TMEM238: variants seen among roughly 807,000 people sequenced by gnomAD.
The protein encoded by TMEM238 is transmembrane protein 238.
For synonymous variants in TMEM238, 103 were observed against 111.5 expected, an observed-to-expected ratio of 0.92 and a Z score of 0.48; for missense variants, 169 against 206.8, an observed-to-expected ratio of 0.82 and a Z score of 1.12.
chr19:55,379,845 C>T (rs962371313), intron 1 of TMEM238, among the ~76,000 whole-genome samples: 8 of 151,946 alleles, frequency 5.3e-5, no homozygotes, highest in African/African-American at 1.7e-4. Flanking sequence ...GCCTGGGTAA[C>T]ATAGGAAGAC....
chr19:55,380,890 A>G (rs1198116153), intron 1 of TMEM238, among the ~76,000 whole-genome samples: 1 of 151,982 alleles, frequency 6.6e-6, no homozygotes, highest in Non-Finnish European at 1.5e-5. Flanking sequence ...TACAGGCATG[A>G]GCCACTGTGC....
intron 1 of TMEM238, among the ~76,000 whole-genome samples, chr19:55,382,136 C>T (rs2089889199): frequency 6.6e-6 from 1 of 151,756 alleles, no homozygotes; most frequent in African/African-American, 2.4e-5. Flanking sequence ...ACAACTCATC[C>T]ATCCACGCAC....
At chr19:55,381,236 T>C (rs2089885496) in intron 1 of TMEM238, among the ~76,000 whole-genome samples, 1 of 151,528 alleles carries the variant, frequency 6.6e-6, no homozygotes, top group Admixed American at 6.6e-5. Context: ...CTGACCAACA[T>C]GGAGAAACCC....
In TMEM238 at chr19:55,379,594, C is replaced by T. The variant is rs147122205; in HGVS notation, c.*8-227G>A. ...ATCCAAGGGTAGAGGCCAGGGAATG[C>T]GAGCCAGGGAGAGGCAGAAAGGGGG... On this transcript the variant is annotated intron_variant, in intron 1 of 1. Transcript: ENST00000444469. Among the ~76,000 whole-genome samples the T allele has an allele frequency of 2.2e-3, 331 of 152,068 alleles. 1 individual carries two copies. The highest frequency in any genetic ancestry group is 7.3e-3 in the African/African-American group (302 of 41,428).
In TMEM238 at chr19:55,383,898, C is replaced by T. The variant is rs773668180; in HGVS notation, c.362G>A (p.Arg121His). The T allele has an allele frequency of 1.9e-5, 22 of 1,138,914 alleles. No homozygotes were observed. In the South Asian group the frequency reaches 6.7e-4, roughly 34 times the overall value. 70.6% of individuals were successfully genotyped at this position (1,138,914 alleles called of 1,614,324 possible). Reference protein sequence around the residue: ...ALARLARKLSRRWSAPAAAGQ... With the variant: ...ALARLARKLSHRWSAPAAAGQ... ...CGCGGCGGCGGGCGCCGACCAGCGG[C>T]GGGAGAGCTTGCGCGCCAGGCGGGC... The change falls in exon 1 of 2, where the codon CGC (arginine) becomes CAC (histidine). Residue 121 changes from arginine (R) to histidine (H), a missense_variant. By Grantham distance (29) the Arg-to-His change is conservative. Transcript: ENST00000444469. This position sits in a 1 kb window ranked among gnomAD's most constrained non-coding sequence, Gnocchi z 4.9.
chr19:55,381,042 C>T (rs1265835432), intron 1 of TMEM238, among the ~76,000 whole-genome samples: 3 of 152,168 alleles, frequency 2.0e-5, no homozygotes, highest in East Asian at 3.8e-4. Context: ...AATCACGGCA[C>T]GTAGCATATG....
intron 1 of TMEM238, among the ~76,000 whole-genome samples, chr19:55,381,761 C>T (rs539122844): frequency 1.3e-5 from 2 of 152,306 alleles, no homozygotes; most frequent in Non-Finnish European, 2.9e-5. Flanking sequence ...GGGGAGGTGA[C>T]ACAGGCACCC....
At position 55,384,286 on chromosome 19, in the gene TMEM238, CAG is replaced by C. The variant is rs2089900556; in HGVS notation, c.-29_-28del. ...GCCCTGCACCGCCGCCGCTGGCGCC[CAG>C]AGAGAGCGTTCCGGGGTGCGGCCCG... On this transcript the variant is annotated 5_prime_UTR_variant, in exon 1 of 2. Transcript: ENST00000444469. The surrounding 1 kb of genome is among the most constrained non-coding windows in gnomAD (Gnocchi z 5.6). 1 of 1,077,008 alleles carries C rather than the reference CAG, an allele frequency of 9.3e-7. No individual in the cohort carries two copies. The highest frequency in any genetic ancestry group is 1.1e-6 in the Non-Finnish European group (1 of 890,250). The allele number at this position is 1,077,008 out of a possible 1,614,324, so 66.7% of individuals were successfully genotyped here. A position where few individuals can be genotyped will look rare whatever the true frequency, so the allele number is the denominator to read the frequency against.
chr19:55,384,157 G>C lies in TMEM238; in HGVS notation c.103C>G (p.Arg35Gly). 1.5e-6 allele frequency: 2 copies of C among 1,370,184 alleles called. No homozygotes were observed. The highest frequency in any genetic ancestry group is 1.9e-6 in the Non-Finnish European group (2 of 1,049,656). The allele number at this position is 1,370,184 out of a possible 1,614,324, so 84.9% of individuals were successfully genotyped here. Reference sequence around the variant, plus strand: ...GCCACGGCCAGCAGCAGCGCCATCCGGCAGCGGCCCAGGCCGGCCGCGGGT... The same window carrying C: ...GCCACGGCCAGCAGCAGCGCCATCCCGCAGCGGCCCAGGCCGGCCGCGGGT... ...PAPAAGLGRC[R>G]MALLLAVALD... The change falls in exon 1 of 2, where the codon CGG becomes GGG. Residue 35 changes from arginine (R) to glycine (G), a missense_variant. Transcript: ENST00000444469. This position sits in a 1 kb window ranked among gnomAD's most constrained non-coding sequence, Gnocchi z 5.6.
In TMEM238 at chr19:55,383,855, G is replaced by A; in HGVS notation, c.405C>T (p.Pro135=). 1.1e-6 allele frequency: 1 copy of A among 884,376 alleles called. No homozygotes were observed. The highest frequency in any genetic ancestry group is 1.4e-6 in the Non-Finnish European group (1 of 734,232). The allele number at this position is 884,376 out of a possible 1,614,324, so 54.8% of individuals were successfully genotyped here. Residue 135 remains proline, a synonymous_variant, in exon 1 of 2, where the codon CCC becomes CCT. Transcript: ENST00000444469. The surrounding 1 kb of genome is among the most constrained non-coding windows in gnomAD (Gnocchi z 4.9). The part of the protein sequence containing the change: ...APAAAGQRPA[P]GSRRARRAAR... ...CGGCTCGGCGCGCTCTCCGGGAGCC[G>A]GGCGCGGGGCGCTGGCCCGCGGCGG...
chr19:55,381,273 C>G (rs1041122760), intron 1 of TMEM238, among the ~76,000 whole-genome samples: 9 of 151,666 alleles, frequency 5.9e-5, no homozygotes, highest in Non-Finnish European at 5.9e-5. Flanking sequence ...ACAAAATTAG[C>G]CAGGTGTGGG....
At chr19:55,381,645 G>A (rs549230612) in intron 1 of TMEM238, among the ~76,000 whole-genome samples, 141 of 151,894 alleles carry the variant, frequency 9.3e-4, no homozygotes, top group South Asian at 2.3e-3. Context: ...TCCAGAGAGC[G>A]CACAGAGGCT....
rs376950426 is a variant in TMEM238, at chr19:55,379,980, G to GTGA, written c.*8-616_*8-614dup. Among the ~76,000 whole-genome samples, 490 of 151,940 alleles carry GTGA rather than the reference G, an allele frequency of 3.2e-3. 3 individuals are homozygous for GTGA. The highest frequency in any genetic ancestry group is 0.015 in the South Asian group (71 of 4,798). On this transcript the variant is annotated intron_variant, in intron 1 of 1. Coordinates refer to ENST00000444469, the MANE Select transcript of TMEM238 (RefSeq NM_001190764.2). ...ACTGCTCTCCAGCCTGAACAACAGAGTGATGGGGGTGGCTCTGCCCGGCTA... is the reference window on the plus strand; with the variant it reads ...ACTGCTCTCCAGCCTGAACAACAGAGTGATGATGGGGGTGGCTCTGCCCGGCTA...
Position 55,383,713 on chromosome 19 carries a change from G to T in TMEM238, c.*7+9C>A. 4.2e-6 allele frequency: 1 copy of T among 237,564 alleles called. No homozygotes were observed. The highest frequency in any genetic ancestry group is 2.0e-4 in the South Asian group (1 of 5,116). The allele number at this position is 237,564 out of a possible 1,614,324, so 14.7% of individuals were successfully genotyped here. A position where few individuals can be genotyped will look rare whatever the true frequency, so the allele number is the denominator to read the frequency against. ...TCCGTCTCCCCGCCCTGCCCCGCCC[G>T]CCCCTCACCTGGGCCTCACTCGCTG... On this transcript the variant is annotated intron_variant, in intron 1 of 1. Coordinates refer to ENST00000444469, the MANE Select transcript of TMEM238 (RefSeq NM_001190764.2). This position sits in a 1 kb window ranked among gnomAD's most constrained non-coding sequence, Gnocchi z 4.9.
intron 1 of TMEM238, among the ~76,000 whole-genome samples, chr19:55,382,771 A>T (rs1054627100): frequency 2.0e-5 from 3 of 152,164 alleles, no homozygotes; most frequent in Admixed American, 1.3e-4. Context: ...TAGGAAAGAG[A>T]TAGAAGGTAG....
In TMEM238 at chr19:55,383,344, C is replaced by G. The variant is rs923390332; in HGVS notation, c.*7+378G>C. On this transcript the variant is annotated intron_variant, in intron 1 of 1. Coordinates refer to ENST00000444469, the MANE Select transcript of TMEM238 (RefSeq NM_001190764.2). This position sits in a 1 kb window ranked among gnomAD's most constrained non-coding sequence, Gnocchi z 4.9. ...TGAGCTGAGATCACGCCACTGCACTCCAGCCTGGGTGACAGTGAGAGATCC... is the reference window on the plus strand; with the variant it reads ...TGAGCTGAGATCACGCCACTGCACTGCAGCCTGGGTGACAGTGAGAGATCC... 6.6e-6 allele frequency among the ~76,000 whole-genome samples: 1 copy of G among 152,118 alleles called. No individual in the cohort carries two copies. Among genetic ancestry groups the G allele is most frequent in the African/African-American group, 2.4e-5 (1 of 41,422 alleles).
rs1381624281 is a variant in TMEM238 at position 55,383,527 on chromosome 19, C to T, written c.*7+195G>A. On this transcript the variant is annotated intron_variant, in intron 1 of 1. Coordinates refer to ENST00000444469, the MANE Select transcript of TMEM238 (RefSeq NM_001190764.2). This position sits in a 1 kb window ranked among gnomAD's most constrained non-coding sequence, Gnocchi z 4.9. ...AGGGGCAGGGTCTCACAGCCTCCCC[C>T]ACGTATGCACCTGTGCTTGCTGTGT... Among the ~76,000 whole-genome samples the T allele has an allele frequency of 6.6e-6, 1 of 152,206 alleles. No homozygotes were observed. The highest frequency in any genetic ancestry group is 2.4e-5 in the African/African-American group (1 of 41,456).
In TMEM238 at chr19:55,381,146, C is replaced by T. The variant is rs908338146; in HGVS notation, c.*8-1779G>A. Among the ~76,000 whole-genome samples the T allele has an allele frequency of 4.0e-5, 6 of 151,864 alleles. No individual in the cohort carries two copies. The East Asian group carries it at 5.8e-4, about 15-fold the overall frequency. ...GAGAAAAGTTAATTCCAGCCGGGCA[C>T]GGTGGTTCACGCCTGTAATCCCAGC... On this transcript the variant is annotated intron_variant, in intron 1 of 1. Coordinates refer to ENST00000444469, the MANE Select transcript of TMEM238 (RefSeq NM_001190764.2).
intron 1 of TMEM238, among the ~76,000 whole-genome samples, chr19:55,382,795 G>T (rs1468873195): frequency 6.6e-6 from 1 of 152,188 alleles, no homozygotes; most frequent in African/African-American, 2.4e-5. Flanking sequence ...GGAAAGGGGA[G>T]TGAATGTGTG....
Sources: gnomAD v4.1 joint callset for allele counts (sites outside exome capture counted in the v4.1 genomes callset) on GRCh38, gnomAD v4.1.1 for gene constraint, Gnocchi (gnomAD v3.1) non-coding constraint, MANE v1.5 for transcripts, NCBI Gene and HGNC (gene_info 2026-07-23, HGNC 2026-07-21) for gene names.